Variants in UNC79 observed in about 807,000 individuals in gnomAD.
UNC79 encodes the protein unc-79 subunit of NALCN channel complex, also known as protein unc-79 homolog.
UNC79 carries 37 observed loss-of-function variants against 283.1 expected under a neutral mutation model. The ratio of observed to expected loss-of-function variants is 0.13; its 90% CI spans 0.10 to 0.17. The LOEUF (loss-of-function observed/expected upper bound fraction) is 0.17, where lower values mean the gene tolerates loss of function less well. Ranked by LOEUF, UNC79 falls within the 10% of genes least tolerant of loss-of-function variation. The probability of loss-of-function intolerance (pLI) is 1.00; values close to 1 mark genes in which losing one functional copy is unlikely to be tolerated. For missense variants in UNC79, 2,272 were observed against 3,211.1 expected (o/e 0.71, Z 7.07); for synonymous variants, 1,107 against 1,200.2 (o/e 0.92, Z 1.61).
chr14:93,411,783 G>A (rs747397179), intron 1 of UNC79, among the ~76,000 whole-genome samples: 1 of 152,318 alleles, frequency 6.6e-6, no homozygotes, highest in South Asian at 2.1e-4. Context: ...CAACACTCAA[G>A]TCCTCTTGAA....
At chr14:93,419,675 T>C (rs2055548747) in intron 1 of UNC79, among the ~76,000 whole-genome samples, 2 of 151,786 alleles carry the variant, frequency 1.3e-5, no homozygotes, top group South Asian at 4.3e-4. Flanking sequence ...CAGCTTAAAA[T>C]AATGGGTTAT....
intron 47 of UNC79, among the ~76,000 whole-genome samples, chr14:93,695,204 ATATTC>A (rs1014088052): frequency 6.6e-6 from 1 of 151,350 alleles, no homozygotes; most frequent in Non-Finnish European, 1.5e-5. Context: ...TTTCACCTCT[ATATTC>A]TATTATCTTG....
intron 31 of UNC79, among the ~76,000 whole-genome samples, chr14:93,634,154 G>A (rs2068293624): frequency 6.6e-6 from 1 of 152,140 alleles, no homozygotes; most frequent in South Asian, 2.1e-4. Context: ...GTATGCACAA[G>A]CTCTGTTAAA....
intron 14 of UNC79, among the ~76,000 whole-genome samples, chr14:93,549,045 C>A (rs1315334030): frequency 3.3e-5 from 5 of 151,974 alleles, no homozygotes; most frequent in Non-Finnish European, 7.4e-5. Flanking sequence ...TTTAACAAAC[C>A]CAAATGTCTT....
intron 7 of UNC79, among the ~76,000 whole-genome samples, chr14:93,513,868 G>A (rs2059940252): frequency 6.6e-6 from 1 of 152,100 alleles, no homozygotes; most frequent in African/African-American, 2.4e-5. Context: ...GTATATTTCA[G>A]TTTTGCCTTT....
intron 14 of UNC79, among the ~76,000 whole-genome samples, chr14:93,551,636 T>C (rs557106762): frequency 6.6e-6 from 1 of 152,182 alleles, no homozygotes; most frequent in Non-Finnish European, 1.5e-5. Flanking sequence ...GTTAAACATA[T>C]AAAAGCACAG....
At chr14:93,420,649 A>G (rs976191656) in intron 1 of UNC79, among the ~76,000 whole-genome samples, 4 of 151,970 alleles carry the variant, frequency 2.6e-5, no homozygotes, top group African/African-American at 9.6e-5. Flanking sequence ...ACAGCTGCAG[A>G]ATACACATTC....
intron 1 of UNC79, among the ~76,000 whole-genome samples, chr14:93,465,454 A>T (rs2057135716): frequency 6.6e-6 from 1 of 152,238 alleles, no homozygotes; most frequent in South Asian, 2.1e-4. Flanking sequence ...AAAAACAAGC[A>T]GGTAAGTACA....
chr14:93,403,872 CTTT>C (rs35901461), intron 1 of UNC79, among the ~76,000 whole-genome samples: 4 of 137,718 alleles, frequency 2.9e-5, no homozygotes, highest in Non-Finnish European at 1.6e-5. Context: ...GAGCTAGACT[CTTT>C]TTTTTTTTTT....
At chr14:93,596,112 A>G (rs908656862) in intron 23 of UNC79, among the ~76,000 whole-genome samples, 5 of 152,240 alleles carry the variant, frequency 3.3e-5, no homozygotes, top group Admixed American at 2.6e-4. Flanking sequence ...TATAAAAGGC[A>G]TAAATATAAT....
At position 93,531,361 on chromosome 14, in the gene UNC79, A is replaced by T. The variant is rs543873338; in HGVS notation, c.1094-1189A>T. Among the ~76,000 whole-genome samples the T allele has an allele frequency of 6.6e-6, 1 of 152,360 alleles. No individual in the cohort carries two copies. Among genetic ancestry groups the T allele is most frequent in the African/African-American group, 2.4e-5 (1 of 41,586 alleles). ...CATTTACCTTTGATCTTTTAAATAA[A>T]TTGTAACATAGACTATAAATAAGGT... On this transcript the variant is annotated intron_variant, in intron 10 of 48. Coordinates refer to ENST00000555664, the Ensembl canonical transcript of UNC79. The surrounding 1 kb of genome is among the most constrained non-coding windows in gnomAD (Gnocchi z 4.2).
At chr14:93,521,367 C>A (rs1041320737) in intron 7 of UNC79, among the ~76,000 whole-genome samples, 14 of 151,978 alleles carry the variant, frequency 9.2e-5, no homozygotes, top group African/African-American at 3.1e-4. Context: ...CTCAAAAGGA[C>A]TCCTATTTAG....
intron 26 of UNC79, among the ~76,000 whole-genome samples, chr14:93,607,089 T>C (rs1332189193): frequency 9.2e-5 from 14 of 152,202 alleles, no homozygotes. Flanking sequence ...TAACTGCTAC[T>C]ACAATTTGTA....
chr14:93,490,648 C>A (rs999263201), intron 5 of UNC79, among the ~76,000 whole-genome samples: 2 of 152,156 alleles, frequency 1.3e-5, no homozygotes, highest in Admixed American at 6.5e-5. Context: ...TGTCTGAGAT[C>A]GCATCAGAAT....
At chr14:93,359,699 G>C (rs2054180635) in intron 1 of UNC79, among the ~76,000 whole-genome samples, 1 of 152,092 alleles carries the variant, frequency 6.6e-6, no homozygotes, top group South Asian at 2.1e-4. Flanking sequence ...AAAACTTCCA[G>C]GTCAAATGGA....
intron 1 of UNC79, among the ~76,000 whole-genome samples, chr14:93,419,531 T>C (rs2140067138): frequency 6.6e-6 from 1 of 151,752 alleles, no homozygotes; most frequent in Non-Finnish European, 1.5e-5. Flanking sequence ...CTACAACTTT[T>C]CAAGAAACAG....
rs765399155 is a variant in UNC79, at chr14:93,432,306, CTTCT to C, written c.22+1258_22+1261del. On this transcript the variant is annotated intron_variant, in intron 1 of 48. Coordinates refer to ENST00000555664, the Ensembl canonical transcript of UNC79. ...GCCCACCTACCACCCAGTGCTTTTA[CTTCT>C]TTATGTTTTTTTGGAATCCGGAAGA... is the stretch of plus-strand genomic sequence containing the variant. Among the ~76,000 whole-genome samples the C allele has an allele frequency of 3.5e-4, 54 of 152,256 alleles. 1 individual carries two copies. In the Middle Eastern group the frequency reaches 0.014, roughly 38 times the overall value.
At chr14:93,465,152 A>G (rs2057120472) in intron 1 of UNC79, among the ~76,000 whole-genome samples, 1 of 151,950 alleles carries the variant, frequency 6.6e-6, no homozygotes, top group Non-Finnish European at 1.5e-5. Flanking sequence ...TCAACAATTT[A>G]TTGAGTACCT....
intron 14 of UNC79, among the ~76,000 whole-genome samples, chr14:93,550,835 A>G (rs2061855109): frequency 6.6e-6 from 1 of 152,076 alleles, no homozygotes; most frequent in African/African-American, 2.4e-5. Context: ...CCACATACAC[A>G]TAATGTATAT....
Sources: allele counts gnomAD v4.1 joint callset (sites outside exome capture counted in the v4.1 genomes callset), GRCh38; gene constraint gnomAD v4.1.1; non-coding constraint Gnocchi (gnomAD v3.1); transcripts MANE v1.5; gene names NCBI Gene and HGNC (gene_info 2026-07-23, HGNC 2026-07-21).